The following SIPA1L3 variants were observed in gnomAD, a reference collection of about 807,000 sequenced individuals.
SIPA1L3 encodes signal-induced proliferation-associated 1-like protein 3.
In SIPA1L3, 59 loss-of-function variants were observed where a neutral mutation model predicts 150.1. The ratio of observed to expected loss-of-function variants is 0.39; its 90% CI spans 0.32 to 0.49. The LOEUF is 0.49. SIPA1L3 is among the 20% of genes least tolerant of loss of function. SIPA1L3 has a pLI of 0.86. For missense variants in SIPA1L3, 2,211 were observed against 2,489.5 expected, an observed-to-expected ratio of 0.89 and a Z score of 2.38; for synonymous variants, 1,070 against 1,077.6, an observed-to-expected ratio of 0.99 and a Z score of 0.14.
At chr19:38,147,187 A>G (rs1862096681) in intron 12 of SIPA1L3, among the ~76,000 whole-genome samples, 1 of 151,914 alleles carries the variant, frequency 6.6e-6, no homozygotes, top group African/African-American at 2.4e-5. Flanking sequence ...TCAACCTCCC[A>G]TGAAGCTGGG....
intron 1 of SIPA1L3, among the ~76,000 whole-genome samples, chr19:37,959,257 A>G (rs918928284): frequency 5.3e-5 from 8 of 152,242 alleles, no homozygotes; most frequent in Non-Finnish European, 8.8e-5. Flanking sequence ...GTAACCCCAG[A>G]AGTGAAAATG....
intron 1 of SIPA1L3, among the ~76,000 whole-genome samples, chr19:37,997,074 G>A (rs951159187): frequency 1.3e-5 from 2 of 152,152 alleles, no homozygotes; most frequent in African/African-American, 4.8e-5. Context: ...TGGTATTTGG[G>A]AGTGGGTGGG....
At position 38,204,132 on chromosome 19, in the gene SIPA1L3, A is replaced by T. The variant is rs771734947; in HGVS notation, c.5126A>T (p.Glu1709Val). The change falls in exon 21 of 22, where the codon GAG becomes GTG. Residue 1709 changes from glutamate (E) to valine (V), a missense_variant. Physicochemically the swap from Glu to Val is moderately radical, Grantham distance 121. This residue lies in a region of SIPA1L3 where 63 missense variants were observed against 106.1 expected (regional missense o/e 0.59). Transcript: ENST00000222345. ...CTTGTCCCTGGTTTTTCCAGCGAGG[A>T]GCCACCCCTGGATCTGACAGGCAAG... is the stretch of plus-strand genomic sequence containing the variant. ...TPRTTPTMSEEPPLDLTGKVY... is the reference protein window; with the variant it reads ...TPRTTPTMSEVPPLDLTGKVY... 1.9e-5 allele frequency: 29 copies of T among 1,557,122 alleles called. No homozygotes were observed. In the South Asian group the frequency reaches 3.3e-4, roughly 18 times the overall value.
At chr19:38,119,953 C>G in intron 9 of SIPA1L3, 71 bp downstream of exon 9, 1 of 1,086,764 alleles carries the variant, frequency 9.2e-7, no homozygotes, top group Non-Finnish European at 1.3e-6. Flanking sequence ...TGAAATACTT[C>G]CCTAGCCCAG....
chr19:38,112,683 C>T (rs1970792951), intron 8 of SIPA1L3, among the ~76,000 whole-genome samples: 1 of 152,160 alleles, frequency 6.6e-6, no homozygotes, highest in South Asian at 2.1e-4. Flanking sequence ...TTCGGCTCTC[C>T]CTCTTTCCTT....
At chr19:37,912,131 G>A (rs1035540313) in intron 1 of SIPA1L3, among the ~76,000 whole-genome samples, 3 of 152,010 alleles carry the variant, frequency 2.0e-5, no homozygotes, top group Non-Finnish European at 4.4e-5. Context: ...CAGCTACTTG[G>A]GAGGCTGAGG....
At chr19:38,022,333 C>T (rs555783516) in intron 1 of SIPA1L3, among the ~76,000 whole-genome samples, 6 of 152,260 alleles carry the variant, frequency 3.9e-5, no homozygotes, top group East Asian at 1.9e-4. Context: ...GAGGCTGAGG[C>T]GGGAGGATCG....
chr19:38,146,689 G>A (rs1600134759), intron 12 of SIPA1L3, among the ~76,000 whole-genome samples: 1 of 152,196 alleles, frequency 6.6e-6, no homozygotes, highest in Non-Finnish European at 1.5e-5. Context: ...CCAGCAGAGC[G>A]TGAGTGATCC....
At chr19:38,180,537 CTTTT>C (rs60445902) in intron 15 of SIPA1L3, among the ~76,000 whole-genome samples, 7 of 124,664 alleles carry the variant, frequency 5.6e-5, no homozygotes, top group Non-Finnish European at 8.3e-5. Flanking sequence ...TTTTTCTTTT[CTTTT>C]TTTTTTTTTT....
intron 4 of SIPA1L3, among the ~76,000 whole-genome samples, chr19:38,094,786 G>A (rs1340871946): frequency 6.6e-6 from 1 of 152,058 alleles, no homozygotes; most frequent in African/African-American, 2.4e-5. Flanking sequence ...TAAATTAATT[G>A]CCAGGCGTGG....
At chr19:37,932,797 CCCCCCTCTT>C (rs1399819893) in intron 1 of SIPA1L3, 1 of 152,040 alleles carries the variant, frequency 6.6e-6, no homozygotes, top group Non-Finnish European at 1.5e-5. Context: ...CTCTTTTTTT[CCCCCCTCTT>C]CTCCCTGAAA....
At chr19:37,944,698 C>A (rs1018650700) in intron 1 of SIPA1L3, among the ~76,000 whole-genome samples, 12 of 152,152 alleles carry the variant, frequency 7.9e-5, no homozygotes, top group African/African-American at 2.7e-4. Context: ...CACCTGTCAT[C>A]CCAGCACTTT....
Position 38,206,218 on chromosome 19 carries a change from G to A in SIPA1L3, c.5324G>A (p.Cys1775Tyr). 1 of 1,561,872 alleles carries A rather than the reference G, an allele frequency of 6.4e-7. No individual in the cohort carries two copies. The highest frequency in any genetic ancestry group is 8.7e-7 in the Non-Finnish European group (1 of 1,152,498). Reference sequence around the variant, plus strand: ...CTGCGCAAGTTTGCGGAGATCTTCTGCAGGGAGAAGAAGGAGCTCTGAGGT... The same window carrying A: ...CTGCGCAAGTTTGCGGAGATCTTCTACAGGGAGAAGAAGGAGCTCTGAGGT... ...EQLRKFAEIF[C>Y]REKKEL Residue 1775 changes from cysteine to tyrosine, a missense_variant, in exon 22 of 22, where the codon TGC (cysteine) becomes TAC (tyrosine). By Grantham distance (194) the Cys-to-Tyr change is radical (BLOSUM62 -2). This residue lies in a region of SIPA1L3 where 63 missense variants were observed against 106.1 expected (regional missense o/e 0.59). Coordinates refer to ENST00000222345, the MANE Select transcript of SIPA1L3 (RefSeq NM_015073.3).
At chr19:38,118,918 C>T (rs1034416022) in intron 8 of SIPA1L3, among the ~76,000 whole-genome samples, 5 of 137,748 alleles carry the variant, frequency 3.6e-5, no homozygotes, top group African/African-American at 5.6e-5. Context: ...AAACTGGCCG[C>T]GTGTGGTGGC....
chr19:38,152,896 G>C lies in SIPA1L3; in HGVS notation c.3590G>C (p.Gly1197Ala). Residue 1197 changes from glycine (G) to alanine (A), a missense_variant, in exon 13 of 22, where the codon GGG becomes GCG. Physicochemically the swap from Gly to Ala is moderately conservative, Grantham distance 60 (BLOSUM62 0). Around this residue, in one of 5 missense-constraint regions of SIPA1L3, gnomAD observed 806 missense variants for 870.1 expected, o/e 0.93. Transcript: ENST00000222345. The stretch of plus-strand genomic sequence containing the variant: ...CTTGATCCCCACTTCAGCCACGATG[G>C]GACGTCCAGCGGCGACTCCTCTTCC... ...LSLDPHFSHD[G>A]TSSGDSSSGG... The C allele has an allele frequency of 6.2e-7, 1 of 1,613,718 alleles. No homozygotes were observed. The highest frequency in any genetic ancestry group is 8.5e-7 in the Non-Finnish European group (1 of 1,179,838).
chr19:38,196,772 G>A (rs1339453908), intron 18 of SIPA1L3, among the ~76,000 whole-genome samples: 7 of 151,702 alleles, frequency 4.6e-5, no homozygotes, highest in South Asian at 2.1e-4. Context: ...GAGGCCGAGG[G>A]GGGAGCAAGG....
chr19:37,949,970 G>A (rs1413670927), intron 1 of SIPA1L3, among the ~76,000 whole-genome samples: 1 of 150,814 alleles, frequency 6.6e-6, no homozygotes, highest in African/African-American at 2.4e-5. Flanking sequence ...CCAGCTACTC[G>A]GGAGGCTGAG....
At position 38,192,203 on chromosome 19, in the gene SIPA1L3, C is replaced by T. The variant is rs756898971; in HGVS notation, c.4489C>T (p.Arg1497Ter). 1.9e-6 allele frequency: 3 copies of T among 1,613,458 alleles called. No individual in the cohort carries two copies. The highest frequency in any genetic ancestry group is 1.1e-5 in the South Asian group (1 of 91,038). ...GCAACCGAGGTTGAGGGCATCCCTC[C>T]GAGACCTCCGGTCACCACGGAAGAA... is the stretch of plus-strand genomic sequence containing the variant. ...FGQPRLRASLRDLRSPRKNYK... is the reference protein window; with the variant it reads ...FGQPRLRASL Residue 1497 changes from arginine (R) to a stop codon, truncating the protein, a stop_gained, in exon 17 of 22, where the codon CGA becomes TGA. Coordinates refer to ENST00000222345, the MANE Select transcript of SIPA1L3 (RefSeq NM_015073.3). LOFTEE classifies it high-confidence loss of function.
At chr19:38,004,677 T>A (rs1264308936) in intron 1 of SIPA1L3, among the ~76,000 whole-genome samples, 1 of 152,130 alleles carries the variant, frequency 6.6e-6, no homozygotes, top group African/African-American at 2.4e-5. Flanking sequence ...CTAGCACTGG[T>A]CATGTGATCT....
Sources: allele counts gnomAD v4.1 joint callset (sites outside exome capture counted in the v4.1 genomes callset), GRCh38; gene constraint gnomAD v4.1.1; regional missense constraint gnomAD v4.1.1; transcripts MANE v1.5; gene names NCBI Gene and HGNC (gene_info 2026-07-23, HGNC 2026-07-21).